The following INSR variants were observed in gnomAD, a reference collection of about 807,000 sequenced individuals.
INSR encodes the protein insulin receptor.
INSR carries 67 observed loss-of-function variants against 142.6 expected under a neutral mutation model. The observed-to-expected ratio is 0.47, with a 90% CI of 0.39 to 0.58. The LOEUF (loss-of-function observed/expected upper bound fraction) is 0.58. Among genes scored for constraint, INSR ranks in the 20% least tolerant of loss-of-function variants. The probability of loss-of-function intolerance (pLI) is 0.00; values close to 1 mark genes in which losing one functional copy is unlikely to be tolerated. For missense variants in INSR, 1,248 were observed against 1,833.2 expected (o/e 0.68, Z 5.83); for synonymous variants, 756 against 743.1 (o/e 1.02, Z -0.28).
intron 1 of INSR, among the ~76,000 whole-genome samples, chr19:7,269,687 C>A (rs1416355472): frequency 6.6e-6 from 1 of 151,558 alleles, no homozygotes; most frequent in Non-Finnish European, 1.5e-5. Context: ...AAGAACCCCG[C>A]GTGCCATTGG....
At chr19:7,212,061 G>GTTTCCCAAGTCACAGACTCAGAC (rs1975292784) in intron 2 of INSR, among the ~76,000 whole-genome samples, 4 of 152,070 alleles carry the variant, frequency 2.6e-5, no homozygotes, top group African/African-American at 9.7e-5. Context: ...GGGAGGGGCC[G>GTTTCCCAAGTCACAGACTCAGAC]TCTTGTACAT....
chr19:7,231,275 T>C (rs1975964426), intron 2 of INSR, among the ~76,000 whole-genome samples: 1 of 148,106 alleles, frequency 6.8e-6, no homozygotes, highest in South Asian at 2.2e-4. Flanking sequence ...TGTGTTGTCT[T>C]GTTTTTGGTG....
At chr19:7,274,804 CA>C (rs772807729) in intron 1 of INSR, among the ~76,000 whole-genome samples, 15,703 of 83,142 alleles carry the variant, frequency 0.19, 757 homozygotes, top group Middle Eastern at 0.25. Flanking sequence ...GACTGTGTCT[CA>C]AAAAAAAAAA....
chr19:7,142,065 G>C (rs1278026138), intron 12 of INSR, among the ~76,000 whole-genome samples: 1 of 151,296 alleles, frequency 6.6e-6, no homozygotes, highest in African/African-American at 2.4e-5. Flanking sequence ...GGAGTGCAGT[G>C]GTGTATTTTC....
At chr19:7,233,687 T>C (rs1976066901) in intron 2 of INSR, among the ~76,000 whole-genome samples, 1 of 142,182 alleles carries the variant, frequency 7.0e-6, no homozygotes, top group African/African-American at 2.6e-5. Context: ...TTTTTTTTTT[T>C]TTTTTTGAGA....
chr19:7,202,996 G>GTTTTTTTT (rs371572449), intron 2 of INSR, among the ~76,000 whole-genome samples: 42 of 67,760 alleles, frequency 6.2e-4, no homozygotes, highest in African/African-American at 1.1e-3. Context: ...GGGTTTTGTT[G>GTTTTTTTT]TTTTTTTTTT....
At chr19:7,282,380 A>C (rs8103744) in intron 1 of INSR, among the ~76,000 whole-genome samples, 74,073 of 150,034 alleles carry the variant, frequency 0.49, 18,464 homozygotes, top group East Asian at 0.66. Flanking sequence ...AATAGTAATA[A>C]TAATAATAAT....
intron 2 of INSR, among the ~76,000 whole-genome samples, chr19:7,253,232 G>GTTTA (rs141754421): frequency 0.37 from 55,652 of 149,560 alleles, 10,660 homozygotes; most frequent in Non-Finnish European, 0.41. Flanking sequence ...TTATTTATTT[G>GTTTA]TTTATTTATT....
At chr19:7,255,700 C>T (rs747560470) in intron 2 of INSR, among the ~76,000 whole-genome samples, 9 of 151,918 alleles carry the variant, frequency 5.9e-5, no homozygotes, top group Non-Finnish European at 1.0e-4. Context: ...ACCTCAGACT[C>T]CTGAGTAGCT....
At chr19:7,203,378 T>C (rs1975020297) in intron 2 of INSR, among the ~76,000 whole-genome samples, 1 of 152,300 alleles carries the variant, frequency 6.6e-6, no homozygotes, top group East Asian at 1.9e-4. Flanking sequence ...CGTTGAAGTT[T>C]TCTGTGTCAT....
chr19:7,255,108 G>A (rs1600098377), intron 2 of INSR, among the ~76,000 whole-genome samples: 1 of 149,608 alleles, frequency 6.7e-6, no homozygotes, highest in East Asian at 2.0e-4. Context: ...GATTTAGACA[G>A]CATCATCTCT....
chr19:7,187,798 C>T (rs1281658459), intron 2 of INSR, among the ~76,000 whole-genome samples: 10 of 152,000 alleles, frequency 6.6e-5, no homozygotes, highest in Admixed American at 6.6e-4. Flanking sequence ...GTCTCGAACT[C>T]CTGGCTCAAG....
chr19:7,132,576 T>C (rs1007969744), intron 13 of INSR, among the ~76,000 whole-genome samples: 1 of 151,834 alleles, frequency 6.6e-6, no homozygotes, highest in Non-Finnish European at 1.5e-5. Context: ...TAAACCCTGA[T>C]GGTTTCTTTT....
chr19:7,190,605 C>T (rs376513822), intron 2 of INSR, among the ~76,000 whole-genome samples: 98 of 152,084 alleles, frequency 6.4e-4, no homozygotes, highest in East Asian at 3.3e-3. Context: ...CTCCTGACCT[C>T]GGGATCCACC....
Position 7,119,610 on chromosome 19 carries a change from CAAAG to C in INSR, c.3660-31_3660-28del, listed in dbSNP as rs1972426493. The C allele has an allele frequency of 1.2e-6, 2 of 1,613,216 alleles. No individual in the cohort carries two copies. Among genetic ancestry groups the C allele is most frequent in the Non-Finnish European group, 1.7e-6 (2 of 1,179,896 alleles). On this transcript the variant is annotated intron_variant, in intron 20 of 21. Transcript: ENST00000302850. This position sits in a 1 kb window ranked among gnomAD's most constrained non-coding sequence, Gnocchi z 5.2. ...TGCCGATGACAGTTGATAGTAGTAA[CAAAG>C]AAGCCATTTAGACACACACACACAC... is the stretch of plus-strand genomic sequence containing the variant.
intron 9 of INSR, among the ~76,000 whole-genome samples, chr19:7,153,329 C>T (rs1192577012): frequency 4.5e-4 from 20 of 44,464 alleles, no homozygotes; most frequent in East Asian, 1.9e-3. Context: ...ACACCACACA[C>T]ACCCACGCCA....
intron 2 of INSR, among the ~76,000 whole-genome samples, chr19:7,257,656 A>G (rs12608774): frequency 0.25 from 37,595 of 151,146 alleles, 5,044 homozygotes; most frequent in South Asian, 0.37. Flanking sequence ...CAGAGTCTCA[A>G]AAAGTAAGGA....
intron 11 of INSR, 78 bp from the exon 12 acceptor site, chr19:7,143,168 G>C (rs539451277): frequency 2.7e-6 from 4 of 1,504,900 alleles, no homozygotes; most frequent in African/African-American, 2.7e-5. Flanking sequence ...AGAATAAAAG[G>C]CTTGATTAAG....
chr19:7,257,017 A>C (rs942671824), intron 2 of INSR, among the ~76,000 whole-genome samples: 1 of 141,656 alleles, frequency 7.1e-6, no homozygotes, highest in African/African-American at 2.7e-5. Context: ...ATCTCGGCTC[A>C]CTGCAACCTC....
Sources: allele counts gnomAD v4.1 joint callset (sites outside exome capture counted in the v4.1 genomes callset), GRCh38; gene constraint gnomAD v4.1.1; non-coding constraint Gnocchi (gnomAD v3.1); transcripts MANE v1.5; gene names NCBI Gene and HGNC (gene_info 2026-07-23, HGNC 2026-07-21).